The following PRELID2 variants were observed in gnomAD, a reference collection of about 807,000 sequenced individuals.
PRELID2 encodes the protein PRELI domain containing 2, also known as PRELI domain-containing protein 2.
In PRELID2, 25 loss-of-function variants were observed where a neutral mutation model predicts 28.4. The observed-to-expected ratio is 0.88, with a 90% CI of 0.64 to 1.23. The LOEUF is 1.23. Ranked by LOEUF, PRELID2 falls within the 50% of genes most tolerant of loss-of-function variation. The pLI is 0.00. For synonymous variants in PRELID2, 76 were observed against 71.6 expected (o/e 1.06, Z -0.31); for missense variants, 201 against 214.4 (o/e 0.94, Z 0.39).
the PRELID2 span, among the ~76,000 whole-genome samples, chr5:145,251,833 T>G: frequency 6.6e-6 from 1 of 152,078 alleles, no homozygotes; most frequent in Non-Finnish European, 1.5e-5. Context: ...CCTGGGAGCC[T>G]GGCCTCTGCC....
intron 1 of PRELID2, among the ~76,000 whole-genome samples, chr5:145,640,622 C>CTACA (rs1306804685): frequency 6.8e-6 from 1 of 146,114 alleles, no homozygotes; most frequent in Non-Finnish European, 1.5e-5. Flanking sequence ...CCAGCCTGGG[C>CTACA]TACAGAGCGA....
chr5:145,740,236 T>A (rs1342961823), intron 1 of PRELID2, among the ~76,000 whole-genome samples: 2 of 110,388 alleles, frequency 1.8e-5, no homozygotes, highest in Non-Finnish European at 1.8e-5. Context: ...AGGGATAGAG[T>A]CATTATATAA....
At chr5:145,410,986 A>G in the PRELID2 span, among the ~76,000 whole-genome samples, 24 of 152,096 alleles carry the variant, frequency 1.6e-4, no homozygotes, top group Non-Finnish European at 7.4e-5. Flanking sequence ...GGCATTGGGT[A>G]AATACACCCA....
intron 1 of PRELID2, among the ~76,000 whole-genome samples, chr5:145,481,369 C>T (rs1318558840): frequency 6.6e-6 from 1 of 151,858 alleles, no homozygotes; most frequent in African/African-American, 2.4e-5. Context: ...TAGAATCTCC[C>T]TGACCCTAGT....
At chr5:145,609,222 G>T (rs1014977391) in intron 1 of PRELID2, among the ~76,000 whole-genome samples, 2 of 152,142 alleles carry the variant, frequency 1.3e-5, no homozygotes, top group African/African-American at 4.8e-5. Context: ...GAATGTTGAT[G>T]ATCTTCGTTC....
the PRELID2 span, among the ~76,000 whole-genome samples, chr5:145,420,388 T>C: frequency 6.6e-6 from 1 of 151,842 alleles, no homozygotes. Context: ...TCCATTTGTT[T>C]GTATCCTCTT....
At chr5:145,763,592 T>C (rs983408456) in intron 6 of PRELID2, among the ~76,000 whole-genome samples, 4 of 152,220 alleles carry the variant, frequency 2.6e-5, no homozygotes, top group African/African-American at 4.8e-5. Flanking sequence ...GGTGCTTGTA[T>C]ATGATGTTCC....
chr5:145,512,460 G>T (rs1752469980), intron 1 of PRELID2, among the ~76,000 whole-genome samples: 1 of 152,180 alleles, frequency 6.6e-6, no homozygotes, highest in Non-Finnish European at 1.5e-5. Context: ...TCCTCTCTGG[G>T]CAGGGCATCT....
At chr5:145,343,368 G>A in the PRELID2 span, among the ~76,000 whole-genome samples, 2 of 151,662 alleles carry the variant, frequency 1.3e-5, no homozygotes, top group East Asian at 3.9e-4. Flanking sequence ...AATACCAAGA[G>A]GAATTTTAGA....
At chr5:145,717,653 T>C (rs1755878897) in intron 1 of PRELID2, among the ~76,000 whole-genome samples, 1 of 151,088 alleles carries the variant, frequency 6.6e-6, no homozygotes, top group East Asian at 1.9e-4. Flanking sequence ...TTATTTCTTG[T>C]ATTATTTAAT....
chr5:145,674,821 C>T (rs1209124554), intron 1 of PRELID2, among the ~76,000 whole-genome samples: 1 of 152,004 alleles, frequency 6.6e-6, no homozygotes, highest in East Asian at 1.9e-4. Flanking sequence ...GTGGTGCACA[C>T]CTGTAGTCCC....
chr5:145,648,845 CAT>C (rs1754240424), intron 1 of PRELID2, among the ~76,000 whole-genome samples: 1 of 150,406 alleles, frequency 6.6e-6, no homozygotes, highest in African/African-American at 2.4e-5. Context: ...TATACATATA[CAT>C]TTTAAACCTT....
chr5:145,339,280 A>C, the PRELID2 span, among the ~76,000 whole-genome samples: 4 of 152,232 alleles, frequency 2.6e-5, no homozygotes, highest in Non-Finnish European at 1.5e-5. Context: ...CACTGAAAGC[A>C]AGTAAAGAAA....
At chr5:145,379,638 G>A in the PRELID2 span, among the ~76,000 whole-genome samples, 46 of 152,226 alleles carry the variant, frequency 3.0e-4, no homozygotes, top group African/African-American at 8.9e-4. Flanking sequence ...AATTTGGAGC[G>A]GGGAGCAGGG....
the PRELID2 span, among the ~76,000 whole-genome samples, chr5:145,396,422 C>T: frequency 6.6e-6 from 1 of 151,026 alleles, no homozygotes; most frequent in Non-Finnish European, 1.5e-5. Context: ...CTGTAATTTG[C>T]CTGTGAACCA....
At chr5:145,365,209 T>C in the PRELID2 span, among the ~76,000 whole-genome samples, 56 of 152,012 alleles carry the variant, frequency 3.7e-4, no homozygotes, top group African/African-American at 1.3e-3. Context: ...CACAGAGTGG[T>C]AACCATAATA....
the PRELID2 span, among the ~76,000 whole-genome samples, chr5:145,424,958 G>T: frequency 6.6e-6 from 1 of 151,948 alleles, no homozygotes; most frequent in African/African-American, 2.4e-5. Flanking sequence ...CACAGCAAAA[G>T]AAACTATCAT....
At chr5:145,831,941 CAT>C (rs1404581733) in intron 1 of PRELID2, among the ~76,000 whole-genome samples, 4 of 152,346 alleles carry the variant, frequency 2.6e-5, no homozygotes, top group Non-Finnish European at 4.4e-5. Flanking sequence ...AAATCAACCA[CAT>C]GAGTTTAGTC....
At position 145,571,466 on chromosome 5, in the gene PRELID2, C is replaced by A. The variant is rs143054684; in HGVS notation, n.71-98151G>T. ...TACCACATTCCAGACTGATTCTTATCCAGCATCACATGACAGATAGCAGGC... is the reference window on the plus strand; with the variant it reads ...TACCACATTCCAGACTGATTCTTATACAGCATCACATGACAGATAGCAGGC... On this transcript the variant is annotated intron_variant and non_coding_transcript_variant, in intron 1 of 2. Transcript: ENST00000510259. Among the ~76,000 whole-genome samples the A allele has an allele frequency of 5.2e-4, 79 of 152,276 alleles. No homozygotes were observed. In the East Asian group the frequency reaches 0.013, roughly 25 times the overall value.
Sources: allele counts gnomAD v4.1 joint callset (sites outside exome capture counted in the v4.1 genomes callset), GRCh38; gene constraint gnomAD v4.1.1; transcripts MANE v1.5; gene names NCBI Gene and HGNC (gene_info 2026-07-23, HGNC 2026-07-21).